Variants in STRADA observed in about 807,000 individuals in gnomAD.
STRADA encodes STE20-related kinase adapter protein alpha.
Under a neutral mutation model 55.0 loss-of-function variants are expected in STRADA, and 26 were observed. The ratio of observed to expected loss-of-function variants is 0.47; its 90% CI spans 0.35 to 0.66. STRADA has a LOEUF of 0.66. STRADA is among the 30% of genes least tolerant of loss of function. STRADA has a pLI of 0.01. For synonymous variants in STRADA, 197 were observed against 210.9 expected, an observed-to-expected ratio of 0.93 and a Z score of 0.57; for missense variants, 443 against 549.7, an observed-to-expected ratio of 0.81 and a Z score of 1.94.
In STRADA at chr17:63,720,107, G is replaced by T. The variant is rs145192745; in HGVS notation, c.123+3191C>A. 5.2e-3 allele frequency among the ~76,000 whole-genome samples: 774 copies of T among 150,222 alleles called. 18 individuals carry two copies. The highest frequency in any genetic ancestry group is 0.018 in the African/African-American group (741 of 40,772). On this transcript the variant is annotated intron_variant, in intron 4 of 12. Coordinates refer to ENST00000336174, the MANE Select transcript of STRADA (RefSeq NM_001003787.4). ...CATGATCATAGTTCACTACAGCCTCGAACTCCAGGGCTCAAGCGGATCCTC... is the reference window on the plus strand; with the variant it reads ...CATGATCATAGTTCACTACAGCCTCTAACTCCAGGGCTCAAGCGGATCCTC...
rs546795656 is a variant in STRADA at position 63,713,466 on chromosome 17, G to A, written c.288C>T (p.Tyr96=). 3.0e-5 allele frequency: 49 copies of A among 1,614,100 alleles called. No homozygotes were observed. The highest frequency in any genetic ancestry group is 5.0e-5 in the Admixed American group (3 of 60,018). The change falls in exon 6 of 13, where the codon TAC becomes TAT. Residue 96 remains tyrosine (Y), a synonymous_variant. Transcript: ENST00000336174. ...NLARYKPTGE[Y]VTVRRINLEA... ...CTAGGTTAATCCTCCGTACAGTCAC[G>A]TACTCTCCTGTTGGTTTGTACCTTG...
chr17:63,726,809 A>T (rs537328815), intron 2 of STRADA, 114 bp from the exon 3 acceptor site: 1 of 995,886 alleles, frequency 1.0e-6, no homozygotes, highest in Admixed American at 2.3e-5. Flanking sequence ...ATCATGCAGT[A>T]CAGTTAGGAA....
chr17:63,715,780 C>T (rs1568193237), intron 4 of STRADA, among the ~76,000 whole-genome samples: 2 of 152,174 alleles, frequency 1.3e-5, no homozygotes, highest in Non-Finnish European at 2.9e-5. Context: ...TTTTAAATTT[C>T]TAAGATTTGG....
At chr17:63,720,999 G>A (rs1040271397) in intron 4 of STRADA, among the ~76,000 whole-genome samples, 2 of 151,884 alleles carry the variant, frequency 1.3e-5, no homozygotes, top group Non-Finnish European at 2.9e-5. Context: ...GGGAGGCTGA[G>A]GAAGGAGAAT....
At chr17:63,726,136 AG>A (rs1350757534) in intron 3 of STRADA, 1 of 152,756 alleles carries the variant, frequency 6.5e-6, no homozygotes, top group East Asian at 1.9e-4. Flanking sequence ...GGTAATGCCT[AG>A]GCCTGTCAAA....
chr17:63,710,173 G>A (rs191260105), intron 8 of STRADA, among the ~76,000 whole-genome samples: 65 of 151,706 alleles, frequency 4.3e-4, no homozygotes, highest in African/African-American at 6.5e-4. Flanking sequence ...CCAGCTACTG[G>A]GACTACAAGC....
chr17:63,731,563 C>T (rs532007822), intron 1 of STRADA, among the ~76,000 whole-genome samples: 2 of 152,130 alleles, frequency 1.3e-5, no homozygotes, highest in African/African-American at 4.8e-5. Context: ...CGCGCCTGGC[C>T]GGCCCTGATA....
chr17:63,729,304 C>A (rs2037868274), intron 1 of STRADA, among the ~76,000 whole-genome samples: 1 of 152,186 alleles, frequency 6.6e-6, no homozygotes, highest in Admixed American at 6.5e-5. Flanking sequence ...ACAATGTACC[C>A]AGAGTCAGCC....
intron 8 of STRADA, among the ~76,000 whole-genome samples, chr17:63,708,410 G>A (rs2143810098): frequency 6.6e-6 from 1 of 151,890 alleles, no homozygotes; most frequent in African/African-American, 2.4e-5. Context: ...ATGTTAGCCA[G>A]GCTGGTCTTG....
upstream of STRADA, chr17:63,741,929 T>C (rs1480747733): frequency 2.0e-5 from 3 of 152,136 alleles, no homozygotes; most frequent in East Asian, 1.9e-4. Context: ...CCTTTCCGAG[T>C]GGCCGCGGCT....
intron 1 of STRADA, among the ~76,000 whole-genome samples, chr17:63,732,500 A>G (rs2038137467): frequency 6.6e-6 from 1 of 152,054 alleles, no homozygotes; most frequent in Admixed American, 6.6e-5. Flanking sequence ...AAAAAAAAAA[A>G]AATTGCTTGT....
chr17:63,736,065 C>T (rs1029952813), intron 1 of STRADA, among the ~76,000 whole-genome samples: 7 of 152,104 alleles, frequency 4.6e-5, no homozygotes, highest in Admixed American at 6.5e-5. Flanking sequence ...CCTCAGCCTC[C>T]GGAGTAGCTG....
chr17:63,727,326 G>A (rs8075422), intron 2 of STRADA: 48,900 of 152,256 alleles, frequency 0.32, 9,062 homozygotes, highest in African/African-American at 0.51. Flanking sequence ...CTACGTTGAA[G>A]CAGACAAGGA....
At chr17:63,729,921 T>G (rs1163761155) in intron 1 of STRADA, among the ~76,000 whole-genome samples, 4 of 150,234 alleles carry the variant, frequency 2.7e-5, no homozygotes, top group Non-Finnish European at 5.9e-5. Flanking sequence ...CACTGCAACC[T>G]CCGCCTCCCA....
chr17:63,730,610 G>A (rs2037969476), intron 1 of STRADA, among the ~76,000 whole-genome samples: 1 of 152,000 alleles, frequency 6.6e-6, no homozygotes, highest in African/African-American at 2.4e-5. Context: ...AGGCTGGAGT[G>A]TGGTGGCGCG....
intron 5 of STRADA, 123 bp from the exon 6 acceptor site, chr17:63,713,650 A>T: frequency 2.8e-5 from 35 of 1,261,302 alleles, no homozygotes; most frequent in Admixed American, 1.5e-4. Flanking sequence ...CACTACTGTT[A>T]CTTTTTTTTT....
At chr17:63,716,095 GTTTT>G (rs536853800) in intron 4 of STRADA, among the ~76,000 whole-genome samples, 3 of 134,922 alleles carry the variant, frequency 2.2e-5, no homozygotes, top group African/African-American at 5.4e-5. Flanking sequence ...AACGTACGTG[GTTTT>G]TTTTTTTTTT....
chr17:63,714,874 CTCT>C (rs2036750143), intron 4 of STRADA, among the ~76,000 whole-genome samples: 1 of 152,236 alleles, frequency 6.6e-6, no homozygotes, highest in Non-Finnish European at 1.5e-5. Context: ...AGACCAACAG[CTCT>C]TCTTTCAGCT....
chr17:63,703,410 CA>C lies in STRADA; in HGVS notation c.*188del. Reference sequence around the variant, plus strand: ...TGGTTGTTGAGATTCCCTTGTGTCTCAAAAGCCTTGGAGCAGTGAAGTGTCT... The same window carrying C: ...TGGTTGTTGAGATTCCCTTGTGTCTCAAAGCCTTGGAGCAGTGAAGTGTCT... On this transcript the variant is annotated 3_prime_UTR_variant, in exon 13 of 13. Coordinates refer to ENST00000336174, the MANE Select transcript of STRADA (RefSeq NM_001003787.4). 1 of 601,310 alleles carries C rather than the reference CA, an allele frequency of 1.7e-6. No individual in the cohort carries two copies. 37.2% of individuals were successfully genotyped at this position (601,310 alleles called of 1,614,324 possible).
Sources: allele counts gnomAD v4.1 joint callset (sites outside exome capture counted in the v4.1 genomes callset), GRCh38; gene constraint gnomAD v4.1.1; transcripts MANE v1.5; gene names NCBI Gene and HGNC (gene_info 2026-07-23, HGNC 2026-07-21).